The following CRACDL variants were observed in gnomAD, a reference collection of about 807,000 sequenced individuals.
CRACDL encodes the protein CRACD like, also known as CRACD-like protein.
Under a neutral mutation model 70.6 loss-of-function variants are expected in CRACDL, and 26 were observed. The ratio of observed to expected loss-of-function variants is 0.37; its 90% CI spans 0.27 to 0.51. CRACDL has a LOEUF of 0.51. CRACDL is among the 20% of genes least tolerant of loss of function. CRACDL has a pLI of 0.94. For missense variants in CRACDL, 1,283 were observed against 1,376.9 expected, an observed-to-expected ratio of 0.93 and a Z score of 1.08; for synonymous variants, 618 against 615.2, an observed-to-expected ratio of 1.00 and a Z score of -0.07.
intron 1 of CRACDL, among the ~76,000 whole-genome samples, chr2:98,849,420 G>A (rs1706390846): frequency 1.3e-5 from 2 of 152,318 alleles, no homozygotes; most frequent in African/African-American, 2.4e-5. Flanking sequence ...GAATGTGTAT[G>A]AGCCCTGTGG....
chr2:98,883,136 G>C (rs756992227), intron 1 of CRACDL, among the ~76,000 whole-genome samples: 1 of 152,232 alleles, frequency 6.6e-6, no homozygotes, highest in Non-Finnish European at 1.5e-5. Flanking sequence ...GATAGAAAGA[G>C]CTGCAAGTGG....
At chr2:98,928,294 T>G (rs1192970672) in intron 1 of CRACDL, among the ~76,000 whole-genome samples, 1 of 152,248 alleles carries the variant, frequency 6.6e-6, no homozygotes, top group African/African-American at 2.4e-5. Flanking sequence ...TATGTATGTA[T>G]AGTCAGTATA....
chr2:98,897,391 G>A (rs1290838026), intron 1 of CRACDL: 35 of 1,303,118 alleles, frequency 2.7e-5, no homozygotes, highest in Non-Finnish European at 3.3e-5. Flanking sequence ...TATCTTGCAC[G>A]GACGCCAAAG....
chr2:98,841,196 A>T (rs923105330), intron 2 of CRACDL, among the ~76,000 whole-genome samples: 9 of 152,118 alleles, frequency 5.9e-5, no homozygotes, highest in African/African-American at 1.9e-4. Flanking sequence ...GTTAAGATTC[A>T]TATATTTAGA....
intron 1 of CRACDL, among the ~76,000 whole-genome samples, chr2:98,847,877 A>G (rs1282535408): frequency 1.3e-5 from 2 of 152,328 alleles, no homozygotes; most frequent in East Asian, 3.9e-4. Flanking sequence ...ACACAAACAG[A>G]GAAAAGGATT....
At chr2:98,848,735 C>T (rs764060168) in intron 1 of CRACDL, among the ~76,000 whole-genome samples, 4 of 152,186 alleles carry the variant, frequency 2.6e-5, no homozygotes, top group East Asian at 1.9e-4. Context: ...CACAGGCCCA[C>T]GCCACCACAC....
chr2:98,838,351 T>A, intron 2 of CRACDL, 64 bp from the exon 3 acceptor site: 1 of 880,630 alleles, frequency 1.1e-6, no homozygotes, highest in Non-Finnish European at 1.7e-6. Flanking sequence ...TGTGCATGTA[T>A]GCAACAGGCA....
chr2:98,900,202 GGAC>G (rs1301487630), intron 1 of CRACDL, among the ~76,000 whole-genome samples: 4 of 144,108 alleles, frequency 2.8e-5, no homozygotes, highest in South Asian at 2.4e-4. Context: ...GGAGGCAGGG[GGAC>G]AGAGGCTCAG....
intron 2 of CRACDL, among the ~76,000 whole-genome samples, chr2:98,841,425 A>G (rs1706021738): frequency 6.6e-6 from 1 of 152,074 alleles, no homozygotes; most frequent in Non-Finnish European, 1.5e-5. Flanking sequence ...CAGTGGTTAT[A>G]CTACACATTT....
intron 7 of CRACDL, among the ~76,000 whole-genome samples, chr2:98,821,418 T>C (rs1705021274): frequency 6.6e-6 from 1 of 152,190 alleles, no homozygotes; most frequent in South Asian, 2.1e-4. Context: ...CCTGGGCTTA[T>C]CAGCAGGCCT....
At chr2:98,807,880 C>T (rs1378073537) in intron 7 of CRACDL, among the ~76,000 whole-genome samples, 1 of 152,076 alleles carries the variant, frequency 6.6e-6, no homozygotes, top group Non-Finnish European at 1.5e-5. Flanking sequence ...GACACCCAAG[C>T]CATTTTTGGG....
chr2:98,930,651 T>C (rs889865884), intron 1 of CRACDL, among the ~76,000 whole-genome samples: 1 of 152,000 alleles, frequency 6.6e-6, no homozygotes, highest in African/African-American at 2.4e-5. Flanking sequence ...TCTCCCTGTG[T>C]GTTCTAAATT....
intron 5 of CRACDL, among the ~76,000 whole-genome samples, chr2:98,831,312 G>A (rs972772385): frequency 3.9e-5 from 6 of 152,144 alleles, no homozygotes; most frequent in African/African-American, 9.7e-5. Flanking sequence ...AGTGACGTTC[G>A]GGGAACTCAC....
intron 2 of CRACDL, among the ~76,000 whole-genome samples, chr2:98,845,200 CT>C (rs34635348): frequency 3.9e-3 from 222 of 57,516 alleles, no homozygotes; most frequent in Middle Eastern, 0.018. Context: ...TCTTCTTCTT[CT>C]TTTTTTTTTT....
chr2:98,925,843 T>C (rs1024280991), intron 1 of CRACDL, among the ~76,000 whole-genome samples: 1 of 152,128 alleles, frequency 6.6e-6, no homozygotes, highest in African/African-American at 2.4e-5. Context: ...TGAGCTGGAA[T>C]GGACTTCTCT....
At chr2:98,813,432 TA>T (rs200047449) in intron 7 of CRACDL, among the ~76,000 whole-genome samples, 4 of 151,662 alleles carry the variant, frequency 2.6e-5, no homozygotes, top group Admixed American at 1.3e-4. Flanking sequence ...GACTCTGTCT[TA>T]AAAAAAAATT....
intron 5 of CRACDL, among the ~76,000 whole-genome samples, chr2:98,830,235 GAA>G (rs1305681783): frequency 5.3e-5 from 8 of 152,188 alleles, no homozygotes; most frequent in Non-Finnish European, 1.2e-4. Context: ...GATAAAATTT[GAA>G]AAATTATTCC....
rs752344351 is a variant in CRACDL at position 98,805,252 on chromosome 2, T to C, written c.2417-7715A>G. Among the ~76,000 whole-genome samples the C allele has an allele frequency of 8.3e-4, 127 of 152,232 alleles. 1 individual carries two copies. Among genetic ancestry groups the C allele is most frequent in the Non-Finnish European group, 1.5e-3 (99 of 68,016 alleles). The stretch of plus-strand genomic sequence containing the variant: ...CACATAGGATCTGTGCATTTCTCTG[T>C]ATGCATATTATTCTTCAATTAGAAG... On this transcript the variant is annotated intron_variant, in intron 7 of 9. Transcript: ENST00000397899.
At chr2:98,847,122 A>AT (rs1706293504) in intron 1 of CRACDL, among the ~76,000 whole-genome samples, 1 of 152,182 alleles carries the variant, frequency 6.6e-6, no homozygotes, top group South Asian at 2.1e-4. Context: ...ATAAGAAATG[A>AT]TTTTTTTCTC....
Sources: allele counts gnomAD v4.1 joint callset (sites outside exome capture counted in the v4.1 genomes callset), GRCh38; gene constraint gnomAD v4.1.1; transcripts MANE v1.5; gene names NCBI Gene and HGNC (gene_info 2026-07-23, HGNC 2026-07-21).